The following VAC14 variants were observed in gnomAD, a reference collection of about 807,000 sequenced individuals.
The protein encoded by VAC14 is VAC14 component of PIKFYVE complex.
Under a neutral mutation model 85.3 loss-of-function variants are expected in VAC14, and 47 were observed. That is an observed-to-expected ratio of 0.55 (90% CI 0.44 to 0.70). VAC14 has a LOEUF of 0.70. Ranked by LOEUF, VAC14 falls within the 30% of genes least tolerant of loss-of-function variation. The pLI, the probability that VAC14 is intolerant of heterozygous loss-of-function variation, is 0.00. For missense variants in VAC14, 861 were observed against 1,004.3 expected, an observed-to-expected ratio of 0.86 and a Z score of 1.93; for synonymous variants, 447 against 430.5, an observed-to-expected ratio of 1.04 and a Z score of -0.47.
intron 4 of VAC14, among the ~76,000 whole-genome samples, chr16:70,784,569 C>T (rs1441636518): frequency 1.3e-5 from 2 of 152,072 alleles, no homozygotes; most frequent in Non-Finnish European, 2.9e-5. Context: ...CAAAAGGGGA[C>T]ATTTTGGGTG....
chr16:70,697,311 C>T (rs532295963), intron 15 of VAC14, 54 bp from the exon 16 acceptor site: 37 of 1,498,016 alleles, frequency 2.5e-5, no homozygotes, highest in South Asian at 3.5e-5. Context: ...TGCCCCTACC[C>T]GGTCCACGTG....
chr16:70,724,014 A>C (rs1038136387), intron 14 of VAC14, among the ~76,000 whole-genome samples: 1 of 152,066 alleles, frequency 6.6e-6, no homozygotes, highest in Non-Finnish European at 1.5e-5. Flanking sequence ...TGCCAAGTTC[A>C]CCTGTGACCT....
At chr16:70,799,373 G>C (rs144091978) in intron 1 of VAC14, among the ~76,000 whole-genome samples, 2 of 152,308 alleles carry the variant, frequency 1.3e-5, no homozygotes, top group East Asian at 3.9e-4. Flanking sequence ...TGTCTGATGA[G>C]AGAAGCAGCT....
intron 14 of VAC14, among the ~76,000 whole-genome samples, chr16:70,707,484 G>T (rs577225159): frequency 6.6e-6 from 1 of 152,244 alleles, no homozygotes; most frequent in South Asian, 2.1e-4. Context: ...GCAAGAGGAG[G>T]TGCCATCGGG....
At chr16:70,736,329 A>G (rs1176770111) in intron 13 of VAC14, among the ~76,000 whole-genome samples, 8 of 152,220 alleles carry the variant, frequency 5.3e-5, no homozygotes, top group African/African-American at 1.9e-4. Context: ...CATAGCGCAG[A>G]GCACTGCGCA....
intron 17 of VAC14, among the ~76,000 whole-genome samples, chr16:70,693,206 C>G (rs2053634347): frequency 6.6e-6 from 1 of 152,188 alleles, no homozygotes. Flanking sequence ...CTAGCCGTTT[C>G]CATGATCTCA....
At chr16:70,760,528 T>C (rs957737934) in intron 12 of VAC14, among the ~76,000 whole-genome samples, 2 of 149,510 alleles carry the variant, frequency 1.3e-5, no homozygotes. Context: ...AAGCAGAGGC[T>C]CTTCACTGCT....
chr16:70,782,129 T>G (rs1218199616), intron 7 of VAC14, 126 bp from the exon 8 acceptor site: 9 of 1,287,696 alleles, frequency 7.0e-6, no homozygotes, highest in Middle Eastern at 2.8e-4. Context: ...GCTTCCAGCC[T>G]CACCAATGCT....
chr16:70,768,292 A>G (rs2032965375), intron 10 of VAC14: 1 of 157,140 alleles, frequency 6.4e-6, no homozygotes, highest in South Asian at 1.9e-4. Context: ...AAATCACGCT[A>G]CTTGACCAAG....
intron 14 of VAC14, among the ~76,000 whole-genome samples, chr16:70,730,556 C>G (rs944983426): frequency 2.0e-5 from 3 of 151,252 alleles, no homozygotes; most frequent in African/African-American, 7.3e-5. Flanking sequence ...CCCATCACCC[C>G]AGGGGTTCCG....
chr16:70,729,187 T>C (rs1004361516), intron 14 of VAC14, among the ~76,000 whole-genome samples: 2 of 152,192 alleles, frequency 1.3e-5, no homozygotes, highest in Non-Finnish European at 2.9e-5. Flanking sequence ...GGGATGCTGC[T>C]GACATCCTAC....
chr16:70,755,940 G>A lies in VAC14; in HGVS notation c.1371+6600C>T, dbSNP rs1241157934. 9 of 451,692 alleles carry A rather than the reference G, an allele frequency of 2.0e-5. No homozygotes were observed. The East Asian group carries it at 2.1e-4, about 10-fold the overall frequency. 28.0% of individuals were successfully genotyped at this position (451,692 alleles called of 1,614,324 possible). ...CCCACCATTCCTCACAGCACAGCTC[G>A]GGGGTTTGGGGCTTCCCCCAGGTGG... On this transcript the variant is annotated intron_variant, in intron 12 of 18. Transcript: ENST00000261776.
chr16:70,695,595 G>A lies in VAC14; in HGVS notation c.1984C>T (p.Leu662Phe). Residue 662 changes from leucine (L) to phenylalanine (F), a missense_variant, in exon 17 of 19, where the codon CTC (leucine) becomes TTC (phenylalanine). Transcript: ENST00000261776. ...FGDLEVTVDF[L>F]AEVDKLVQLI... ...TGCACCAGCTTGTCCACCTCTGCGA[G>A]GAAGTCCACGGTGACCTCCAGGTCC... The A allele has an allele frequency of 6.2e-7, 1 of 1,613,878 alleles. No homozygotes were observed.
chr16:70,737,443 G>T (rs2054794922), intron 13 of VAC14, among the ~76,000 whole-genome samples: 1 of 152,196 alleles, frequency 6.6e-6, no homozygotes, highest in South Asian at 2.1e-4. Context: ...TCTTTGAGGG[G>T]CCCAGGAGAG....
intron 15 of VAC14, among the ~76,000 whole-genome samples, chr16:70,697,590 C>T (rs1170399299): frequency 6.6e-6 from 1 of 152,148 alleles, no homozygotes; most frequent in Non-Finnish European, 1.5e-5. Context: ...ACTCTGTGGT[C>T]CCGGAGCCCC....
rs924611941 is a variant in VAC14, at chr16:70,735,283, G to A, written c.1529-3656C>T. On this transcript the variant is annotated intron_variant, in intron 13 of 18. Coordinates refer to ENST00000261776, the MANE Select transcript of VAC14 (RefSeq NM_018052.5). Reference sequence around the variant, plus strand: ...CATCACTTTCTCCCTGGACCAGTGAGGAAATGGCCAGGCACAAGCACAAGA... The same window carrying A: ...CATCACTTTCTCCCTGGACCAGTGAAGAAATGGCCAGGCACAAGCACAAGA... 2.0e-5 allele frequency among the ~76,000 whole-genome samples: 3 copies of A among 151,988 alleles called. No individual in the cohort carries two copies. In the East Asian group the frequency reaches 5.8e-4, roughly 29 times the overall value.
chr16:70,789,550 G>C (rs1244668237), intron 1 of VAC14, among the ~76,000 whole-genome samples: 1 of 152,368 alleles, frequency 6.6e-6, no homozygotes, highest in East Asian at 1.9e-4. Context: ...CCACGCGGGA[G>C]GCCCGGGTTC....
At chr16:70,735,319 G>A (rs1285840504) in intron 13 of VAC14, among the ~76,000 whole-genome samples, 1 of 132,286 alleles carries the variant, frequency 7.6e-6, no homozygotes, top group African/African-American at 3.7e-5. Flanking sequence ...TAGGCAGGAT[G>A]TGGAGGATCT....
chr16:70,692,892 C>T lies in VAC14; in HGVS notation c.2115G>A (p.Pro705=), dbSNP rs2278983. ...AGAGCAGCTGGAAGGCGCTGCTCTG[C>T]GGCAGGAGCATGAGCAGGCCGTAGA... ...KALYGLLMLL[P]QSSAFQLLSH... is the part of the protein sequence containing the mutation. Residue 705 remains proline, a synonymous_variant, in exon 18 of 19, where the codon CCG becomes CCA. Transcript: ENST00000261776. 1.2e-4 allele frequency: 191 copies of T among 1,607,918 alleles called. No homozygotes were observed. Among genetic ancestry groups the T allele is most frequent in the Admixed American group, 3.2e-4 (19 of 59,104 alleles).
Sources: allele counts gnomAD v4.1 joint callset (sites outside exome capture counted in the v4.1 genomes callset), GRCh38; gene constraint gnomAD v4.1.1; transcripts MANE v1.5; gene names NCBI Gene and HGNC (gene_info 2026-07-23, HGNC 2026-07-21).